The following OSBPL10 variants were observed in gnomAD, a reference collection of about 807,000 sequenced individuals.
OSBPL10 encodes oxysterol-binding protein-related protein 10.
In OSBPL10, 49 loss-of-function variants were observed where a neutral mutation model predicts 81.7. The observed-to-expected ratio is 0.60, with a 90% CI of 0.48 to 0.76. The LOEUF (loss-of-function observed/expected upper bound fraction) is 0.76, where lower values mean the gene tolerates loss of function less well. Among genes scored for constraint, OSBPL10 ranks in the 30% least tolerant of loss-of-function variants. OSBPL10 has a pLI of 0.00. For synonymous variants in OSBPL10, 419 were observed against 383.6 expected, an observed-to-expected ratio of 1.09 and a Z score of -1.08; for missense variants, 923 against 987.8, an observed-to-expected ratio of 0.93 and a Z score of 0.88.
chr3:31,678,030 G>A (rs1015299374), intron 8 of OSBPL10, among the ~76,000 whole-genome samples: 13 of 143,328 alleles, frequency 9.1e-5, no homozygotes, highest in Non-Finnish European at 1.5e-4. Context: ...GCAGTGAGCC[G>A]AGATTGCGCC....
At chr3:31,771,436 T>C (rs1698377013) in intron 4 of OSBPL10, among the ~76,000 whole-genome samples, 1 of 152,078 alleles carries the variant, frequency 6.6e-6, no homozygotes, top group Non-Finnish European at 1.5e-5. Flanking sequence ...ACCAAGAGTT[T>C]TGCCCAGGCC....
chr3:31,680,702 C>T (rs1328357575), intron 8 of OSBPL10, among the ~76,000 whole-genome samples: 1 of 152,164 alleles, frequency 6.6e-6, no homozygotes, highest in Non-Finnish European at 1.5e-5. Context: ...AGAACACCAA[C>T]CTTGCCACTC....
intron 1 of OSBPL10, among the ~76,000 whole-genome samples, chr3:31,902,317 C>T (rs1696270834): frequency 6.8e-6 from 1 of 146,136 alleles, no homozygotes; most frequent in African/African-American, 2.6e-5. Flanking sequence ...GGCTGAAGCG[C>T]AGTGGCACCA....
At chr3:31,911,909 T>C (rs545347219) in intron 1 of OSBPL10, among the ~76,000 whole-genome samples, 2 of 152,212 alleles carry the variant, frequency 1.3e-5, no homozygotes, top group Admixed American at 1.3e-4. Context: ...AGGCAGGTGC[T>C]GGAAGGTCAG....
chr3:31,971,865 T>C (rs1698575983), intron 1 of OSBPL10, among the ~76,000 whole-genome samples: 1 of 152,230 alleles, frequency 6.6e-6, no homozygotes, highest in Admixed American at 6.5e-5. Context: ...ACCTACTTAC[T>C]ATCTGGCCCT....
At chr3:32,060,987 A>AAG (rs540957250) in intron 1 of OSBPL10, among the ~76,000 whole-genome samples, 43,196 of 77,474 alleles carry the variant, frequency 0.56, 18,062 homozygotes, top group East Asian at 0.83. Flanking sequence ...AAAAAAAAAA[A>AAG]AACCCTCAGA....
At chr3:31,681,949 C>T (rs1339409332) in intron 8 of OSBPL10, among the ~76,000 whole-genome samples, 1 of 152,182 alleles carries the variant, frequency 6.6e-6, no homozygotes, top group African/African-American at 2.4e-5. Context: ...TAGCCCAATA[C>T]CCAGCCCTCA....
chr3:31,675,177 T>C (rs1446868871), intron 8 of OSBPL10, among the ~76,000 whole-genome samples: 1 of 44,280 alleles, frequency 2.3e-5, no homozygotes, highest in Admixed American at 1.8e-4. Context: ...TCGGGATACC[T>C]TGGGAATTGG....
At chr3:31,990,685 A>G in intron 2 of OSBPL10, 3 of 1,614,200 alleles carry the variant, frequency 1.9e-6, no homozygotes, top group Middle Eastern at 1.6e-4. Context: ...TACTGGAGAG[A>G]AACCTTACAA....
rs1198752248 is a variant in OSBPL10 at position 32,010,969 on chromosome 3, G to A, written n.298+35522C>T. Among the ~76,000 whole-genome samples, 11 of 152,328 alleles carry A rather than the reference G, an allele frequency of 7.2e-5. No individual in the cohort carries two copies. In the East Asian group the frequency reaches 1.9e-3, roughly 27 times the overall value. Reference sequence around the variant, plus strand: ...AAGCTCAAACTGGTTGGAGCCCACCGCAGCTCAAGGAGGCCTGCCTGCCTC... The same window carrying A: ...AAGCTCAAACTGGTTGGAGCCCACCACAGCTCAAGGAGGCCTGCCTGCCTC... On this transcript the variant is annotated intron_variant and non_coding_transcript_variant, in intron 2 of 3. Transcript: ENST00000479173.
intron 4 of OSBPL10, among the ~76,000 whole-genome samples, chr3:31,775,533 C>T (rs147090653): frequency 5.8e-4 from 88 of 152,066 alleles, no homozygotes; most frequent in Non-Finnish European, 9.7e-4. Flanking sequence ...CAGGTCTGAG[C>T]GTGGGAGGGA....
At chr3:31,663,995 G>A in intron 11 of OSBPL10, 84 bp downstream of exon 11, 21 of 1,613,346 alleles carry the variant, frequency 1.3e-5, no homozygotes, top group Non-Finnish European at 1.7e-5. Flanking sequence ...ATCCAGTCTT[G>A]GGGGCTCAGC....
At chr3:31,796,921 A>G (rs1399014631) in intron 4 of OSBPL10, among the ~76,000 whole-genome samples, 4 of 151,582 alleles carry the variant, frequency 2.6e-5, no homozygotes, top group Admixed American at 2.6e-4. Context: ...ATTTTCTCCC[A>G]TTCTCATACA....
chr3:31,733,567 C>G (rs1697041431), intron 5 of OSBPL10, among the ~76,000 whole-genome samples, 156 bp from the exon 6 acceptor site: 1 of 151,856 alleles, frequency 6.6e-6, no homozygotes, highest in Admixed American at 6.6e-5. Context: ...AGTGCAGATT[C>G]TGATCATCTG....
chr3:31,822,513 C>A (rs1226314001), intron 4 of OSBPL10, among the ~76,000 whole-genome samples: 1 of 152,060 alleles, frequency 6.6e-6, no homozygotes, highest in Non-Finnish European at 1.5e-5. Context: ...AAACATCTAG[C>A]AAGGAAGAAT....
intron 1 of OSBPL10, among the ~76,000 whole-genome samples, chr3:31,953,045 C>T (rs1168293076): frequency 6.6e-6 from 1 of 151,512 alleles, no homozygotes; most frequent in African/African-American, 2.4e-5. Flanking sequence ...CAATGCTCCG[C>T]CTCAGCCTCC....
At position 31,814,723 on chromosome 3, in the gene OSBPL10, C is replaced by T. The variant is rs930513847; in HGVS notation, c.729+15317G>A. On this transcript the variant is annotated intron_variant, in intron 4 of 11. Coordinates refer to ENST00000396556, the MANE Select transcript of OSBPL10 (RefSeq NM_017784.5). ...TCAATAACTGTGAGGAAATACATTT[C>T]TGTGGTTTAAGCCACCCAGCTGTAG... 8.5e-5 allele frequency among the ~76,000 whole-genome samples: 13 copies of T among 152,306 alleles called. No individual in the cohort carries two copies. The South Asian group carries it at 1.2e-3, about 15-fold the overall frequency.
At chr3:31,963,256 C>A (rs535351145) in intron 1 of OSBPL10, among the ~76,000 whole-genome samples, 100 of 152,154 alleles carry the variant, frequency 6.6e-4, no homozygotes, top group Non-Finnish European at 1.1e-3. Flanking sequence ...CCATCTCCCT[C>A]CCTTTCCCAT....
chr3:31,801,188 G>A (rs1159209534), intron 4 of OSBPL10, among the ~76,000 whole-genome samples: 1 of 152,138 alleles, frequency 6.6e-6, no homozygotes, highest in Non-Finnish European at 1.5e-5. Flanking sequence ...ATGGGATAAA[G>A]ACTCTTTCTT....
Sources: allele counts gnomAD v4.1 joint callset (sites outside exome capture counted in the v4.1 genomes callset), GRCh38; gene constraint gnomAD v4.1.1; transcripts MANE v1.5; gene names NCBI Gene and HGNC (gene_info 2026-07-23, HGNC 2026-07-21).